UBE3A: variants seen among roughly 807,000 people sequenced by gnomAD.
The protein encoded by UBE3A is ubiquitin-protein ligase E3A.
In UBE3A, 6 loss-of-function variants were observed where a neutral mutation model predicts 83.4. That is an observed-to-expected ratio of 0.07 (90% CI 0.04 to 0.14). The LOEUF is 0.14. Among genes scored for constraint, UBE3A ranks in the 10% least tolerant of loss-of-function variants. The pLI is 1.00. For synonymous variants in UBE3A, 337 were observed against 355.4 expected, an observed-to-expected ratio of 0.95 and a Z score of 0.58; for missense variants, 456 against 1,036.1, an observed-to-expected ratio of 0.44 and a Z score of 7.69.
In UBE3A at chr15:25,337,667, T is replaced by TAATC. The variant is rs771584299; in HGVS notation, c.*1466_*1469dup. ...AACAAATCATCAGGTTGATCTACAG[T>TAATC]AATCAGTTAAAACAATCAGTCAATC... On this transcript the variant is annotated 3_prime_UTR_variant, in exon 13 of 13. Coordinates refer to ENST00000648336, the MANE Select transcript of UBE3A (RefSeq NM_130839.5). The TAATC allele has an allele frequency of 2.0e-5, 3 of 152,104 alleles. No homozygotes were observed. The highest frequency in any genetic ancestry group is 7.2e-5 in the African/African-American group (3 of 41,388). 9.4% of individuals were successfully genotyped at this position (152,104 alleles called of 1,614,324 possible).
chr15:25,422,544 G>C (rs1890127945), intron 1 of UBE3A, among the ~76,000 whole-genome samples: 1 of 151,966 alleles, frequency 6.6e-6, no homozygotes, highest in African/African-American at 2.4e-5. Flanking sequence ...ATAAAAGGTA[G>C]ATATAATTCC....
intron 2 of UBE3A, among the ~76,000 whole-genome samples, chr15:25,411,638 CTAT>C (rs548692038): frequency 2.6e-4 from 40 of 152,224 alleles, no homozygotes; most frequent in African/African-American, 9.4e-4. Context: ...CAAATGAAAG[CTAT>C]TATTAATACT....
At chr15:25,347,711 A>G (rs967463298) in intron 11 of UBE3A, among the ~76,000 whole-genome samples, 6 of 151,754 alleles carry the variant, frequency 4.0e-5, no homozygotes, top group African/African-American at 1.2e-4. Flanking sequence ...AAACAAAAAC[A>G]AACAAACAAA....
chr15:25,424,266 C>T (rs1890680670), intron 1 of UBE3A, among the ~76,000 whole-genome samples: 1 of 152,168 alleles, frequency 6.6e-6, no homozygotes, highest in Non-Finnish European at 1.5e-5. Flanking sequence ...TTTGGGGTTT[C>T]CCTATTCACT....
At chr15:25,369,612 T>A (rs1333407583) in intron 6 of UBE3A, among the ~76,000 whole-genome samples, 1 of 152,154 alleles carries the variant, frequency 6.6e-6, no homozygotes, top group Admixed American at 6.5e-5. Context: ...TTTGTTGACA[T>A]TAAATTTTAC....
chr15:25,339,017 C>T lies in UBE3A; in HGVS notation c.*120G>A. Reference sequence around the variant, plus strand: ...CTACTGTGGTTGACTATCTTACAGCCTTTTTGTACTGGGACACTATCACCA... The same window carrying T: ...CTACTGTGGTTGACTATCTTACAGCTTTTTTGTACTGGGACACTATCACCA... On this transcript the variant is annotated 3_prime_UTR_variant, in exon 13 of 13. Coordinates refer to ENST00000648336, the MANE Select transcript of UBE3A (RefSeq NM_130839.5). The T allele has an allele frequency of 8.4e-7, 1 of 1,194,620 alleles. No individual in the cohort carries two copies. The allele number at this position is 1,194,620 out of a possible 1,614,324, so 74.0% of individuals were successfully genotyped here.
intron 1 of UBE3A, 57 bp from the exon 2 acceptor site, chr15:25,412,028 C>A (rs530413399): frequency 1.3e-5 from 2 of 150,428 alleles, no homozygotes; most frequent in Non-Finnish European, 3.0e-5. Context: ...GATGAACTTT[C>A]AAAAAAAAAG....
chr15:25,359,474 G>C (rs1019782186), intron 7 of UBE3A, among the ~76,000 whole-genome samples: 64 of 144,548 alleles, frequency 4.4e-4, no homozygotes, highest in Non-Finnish European at 7.8e-4. Flanking sequence ...ACTAAGAACA[G>C]TAACAGAAAG....
chr15:25,380,798 A>C (rs1242535154), intron 4 of UBE3A, among the ~76,000 whole-genome samples: 1 of 152,262 alleles, frequency 6.6e-6, no homozygotes, highest in Non-Finnish European at 1.5e-5. Context: ...TTTTTAAAAT[A>C]AAACAAACTT....
chr15:25,417,907 G>A (rs1000887453), intron 1 of UBE3A: 12 of 150,734 alleles, frequency 8.0e-5, no homozygotes, highest in Non-Finnish European at 1.6e-4. Flanking sequence ...TAAATGTACA[G>A]ATTCAAAAAG....
At chr15:25,399,512 C>T (rs892081335) in intron 4 of UBE3A, among the ~76,000 whole-genome samples, 15 of 152,230 alleles carry the variant, frequency 9.9e-5, no homozygotes, top group African/African-American at 3.4e-4. Flanking sequence ...ACTGATAGTA[C>T]ACGAATTTAT....
At position 25,338,071 on chromosome 15, in the gene UBE3A, C is replaced by T. The variant is rs2074109209; in HGVS notation, c.*1066G>A. On this transcript the variant is annotated 3_prime_UTR_variant, in exon 13 of 13. Transcript: ENST00000648336. ...AGTAGCCATCTTTTTCATTATGTTG[C>T]AACACTGATCACGTGCCTCGATAAA... The T allele has an allele frequency of 6.6e-6, 1 of 152,092 alleles. No individual in the cohort carries two copies. The allele number at this position is 152,092 out of a possible 1,614,324, so 9.4% of individuals were successfully genotyped here.
intron 3 of UBE3A, among the ~76,000 whole-genome samples, chr15:25,406,234 T>G (rs898963487): frequency 6.6e-6 from 1 of 152,208 alleles, no homozygotes; most frequent in Non-Finnish European, 1.5e-5. Flanking sequence ...ATTATCTTGG[T>G]TCAACAATGA....
intron 7 of UBE3A, 102 bp from the exon 8 acceptor site, chr15:25,356,998 T>A: frequency 1.0e-6 from 1 of 995,638 alleles, no homozygotes; most frequent in Non-Finnish European, 1.5e-6. Context: ...ATAAAACATT[T>A]AAAATATATG....
intron 4 of UBE3A, among the ~76,000 whole-genome samples, chr15:25,403,424 T>C (rs1301259828): frequency 6.6e-6 from 1 of 152,104 alleles, no homozygotes; most frequent in African/African-American, 2.4e-5. Flanking sequence ...CTACAATGAC[T>C]ACTATTGAAG....
chr15:25,339,870 A>G (rs1301577527), intron 12 of UBE3A: 2 of 596,090 alleles, frequency 3.4e-6, no homozygotes, highest in African/African-American at 3.7e-5. Flanking sequence ...ATTCCAAACC[A>G]ATGTGAGCCC....
Position 25,403,891 on chromosome 15 carries a change from A to T in UBE3A, c.62+1570T>A, listed in dbSNP as rs1189990065. 4.6e-5 allele frequency among the ~76,000 whole-genome samples: 7 copies of T among 152,310 alleles called. No individual in the cohort carries two copies. In the South Asian group the frequency reaches 1.4e-3, roughly 32 times the overall value. ...ATGATTGCACTTATAGGGGGTACTT[A>T]GAGCAGTCAAAATTAGACACAAAGT... On this transcript the variant is annotated intron_variant, in intron 4 of 12. Transcript: ENST00000648336.
intron 1 of UBE3A, among the ~76,000 whole-genome samples, chr15:25,414,942 C>T (rs1013480266): frequency 1.3e-5 from 2 of 152,152 alleles, no homozygotes; most frequent in African/African-American, 4.8e-5. Context: ...CCAGTGCTTG[C>T]AAATGTTTAT....
At chr15:25,415,038 C>T (rs958144580) in intron 1 of UBE3A, among the ~76,000 whole-genome samples, 1 of 152,152 alleles carries the variant, frequency 6.6e-6, no homozygotes, top group African/African-American at 2.4e-5. Context: ...AAGATTCAAA[C>T]CCTAATTTGT....
Sources: allele counts gnomAD v4.1 joint callset (sites outside exome capture counted in the v4.1 genomes callset), GRCh38; gene constraint gnomAD v4.1.1; transcripts MANE v1.5; gene names NCBI Gene and HGNC (gene_info 2026-07-23, HGNC 2026-07-21).